EPS15: variants seen among roughly 807,000 people sequenced by gnomAD.
EPS15 encodes the protein epidermal growth factor receptor pathway substrate 15, also known as epidermal growth factor receptor substrate 15.
Under a neutral mutation model 113.8 loss-of-function variants are expected in EPS15, and 72 were observed. That is an observed-to-expected ratio of 0.63 (90% CI 0.52 to 0.77). The LOEUF (loss-of-function observed/expected upper bound fraction) is 0.77, where lower values mean the gene tolerates loss of function less well. Among genes scored for constraint, EPS15 ranks in the 30% least tolerant of loss-of-function variants. EPS15 has a pLI of 0.00. For synonymous variants in EPS15, 344 were observed against 363.4 expected, an observed-to-expected ratio of 0.95 and a Z score of 0.61; for missense variants, 1,048 against 1,045.8, an observed-to-expected ratio of 1.00 and a Z score of -0.03.
chr1:51,481,170 A>C, intron 2 of EPS15, 103 bp downstream of exon 2: 1 of 725,598 alleles, frequency 1.4e-6, no homozygotes, highest in East Asian at 2.6e-5. Flanking sequence ...AAAACAAGAC[A>C]CATCAAATTT....
intron 1 of EPS15, among the ~76,000 whole-genome samples, chr1:51,488,754 TA>T (rs1399927409): frequency 2.0e-5 from 3 of 152,166 alleles, no homozygotes; most frequent in Non-Finnish European, 4.4e-5. Flanking sequence ...CTTTCTTTAG[TA>T]ATAGTACCCC....
chr1:51,457,904 A>G (rs1654138557), intron 8 of EPS15: 1 of 152,174 alleles, frequency 6.6e-6, no homozygotes, highest in African/African-American at 2.4e-5. Context: ...ATAATAAGCA[A>G]CAGTAAGAAA....
chr1:51,461,232 G>T, intron 7 of EPS15, 82 bp from the exon 8 acceptor site: 1 of 1,026,038 alleles, frequency 9.7e-7, no homozygotes, highest in Non-Finnish European at 1.5e-6. Context: ...AAGTTTATGA[G>T]CTAGGAATGG....
chr1:51,434,318 G>A (rs144864707), intron 12 of EPS15, among the ~76,000 whole-genome samples: 23 of 152,294 alleles, frequency 1.5e-4, no homozygotes, highest in African/African-American at 4.6e-4. Context: ...AGATGAACAG[G>A]TAAACAAATG....
At chr1:51,476,134 T>C (rs1340047418) in intron 2 of EPS15, among the ~76,000 whole-genome samples, 1 of 152,210 alleles carries the variant, frequency 6.6e-6, no homozygotes, top group African/African-American at 2.4e-5. Context: ...AGCTTTGTTC[T>C]TTTTGCTTAG....
chr1:51,395,413 C>T (rs1380723001), intron 20 of EPS15, among the ~76,000 whole-genome samples: 2 of 152,052 alleles, frequency 1.3e-5, no homozygotes, highest in African/African-American at 4.8e-5. Flanking sequence ...TCTCAAATAT[C>T]CTAGTACTTA....
intron 8 of EPS15, among the ~76,000 whole-genome samples, chr1:51,452,851 T>C (rs1255094507): frequency 1.3e-5 from 2 of 152,188 alleles, no homozygotes; most frequent in Non-Finnish European, 2.9e-5. Flanking sequence ...CAGAATTACC[T>C]GGACAGCATG....
chr1:51,391,027 C>A (rs539179833), intron 21 of EPS15, among the ~76,000 whole-genome samples: 1 of 152,132 alleles, frequency 6.6e-6, no homozygotes, highest in Non-Finnish European at 1.5e-5. Flanking sequence ...ATATTTATTG[C>A]AGCACTATTC....
intron 3 of EPS15, 33 bp downstream of exon 3, chr1:51,472,826 A>T: frequency 1.3e-6 from 2 of 1,484,988 alleles, no homozygotes; most frequent in Non-Finnish European, 1.9e-6. Flanking sequence ...TTCCTTACAA[A>T]CTTATAATCT....
At chr1:51,508,274 A>AAGAG (rs1448766017) in intron 1 of EPS15, among the ~76,000 whole-genome samples, 1 of 121,262 alleles carries the variant, frequency 8.2e-6, no homozygotes, top group Non-Finnish European at 1.7e-5. Context: ...GAGAGAGAGA[A>AAGAG]AGAGAGAAAG....
At chr1:51,480,988 T>A (rs74688767) in intron 2 of EPS15, among the ~76,000 whole-genome samples, 4,822 of 152,358 alleles carry the variant, frequency 0.032, 124 homozygotes, top group Non-Finnish European at 0.05. Context: ...GTTATTTGTA[T>A]TTGTCTTAAG....
chr1:51,514,558 T>C (rs72674575), intron 1 of EPS15, among the ~76,000 whole-genome samples: 4,567 of 152,246 alleles, frequency 0.03, 74 homozygotes, highest in African/African-American at 0.05. Flanking sequence ...AAGTAAAATA[T>C]CTTAGATTAG....
intron 2 of EPS15, among the ~76,000 whole-genome samples, chr1:51,474,506 A>T (rs765367665): frequency 2.0e-5 from 3 of 152,182 alleles, no homozygotes; most frequent in African/African-American, 7.2e-5. Flanking sequence ...CTGAACAAGA[A>T]TTACACAGGA....
At chr1:51,386,113 C>T (rs72694166) in intron 21 of EPS15, among the ~76,000 whole-genome samples, 3,337 of 152,118 alleles carry the variant, frequency 0.022, 32 homozygotes, top group Middle Eastern at 0.034. Flanking sequence ...CACTAGACTC[C>T]CATTACATGT....
intron 13 of EPS15, among the ~76,000 whole-genome samples, chr1:51,419,406 A>C (rs1557450484): frequency 6.6e-6 from 1 of 151,208 alleles, no homozygotes; most frequent in Non-Finnish European, 1.5e-5. Context: ...ACACAAAACA[A>C]AAAAAAAATT....
In EPS15 at chr1:51,468,945, C is replaced by T. The variant is rs190544867; in HGVS notation, c.214-377G>A. On this transcript the variant is annotated intron_variant, in intron 4 of 24. Coordinates refer to ENST00000371733, the MANE Select transcript of EPS15 (RefSeq NM_001981.3). Reference sequence around the variant, plus strand: ...GAGTATGAGACCAACCTGGCCAACACGGAGAAACCCCGTCTCTCTACTAAA... The same window carrying T: ...GAGTATGAGACCAACCTGGCCAACATGGAGAAACCCCGTCTCTCTACTAAA... Among the ~76,000 whole-genome samples the T allele has an allele frequency of 1.2e-4, 18 of 152,002 alleles. No homozygotes were observed. The East Asian group carries it at 2.9e-3, about 25-fold the overall frequency.
At position 51,357,376 on chromosome 1, in the gene EPS15, G is replaced by GAAAAAAAAAAAAA. The variant is rs56655497; in HGVS notation, c.2545-543_2545-531dup. Among the ~76,000 whole-genome samples, 6 of 33,116 alleles carry GAAAAAAAAAAAAA rather than the reference G, an allele frequency of 1.8e-4. 1 individual carries two copies. Among genetic ancestry groups the GAAAAAAAAAAAAA allele is most frequent in the African/African-American group, 1.2e-3 (6 of 5,162 alleles). The allele number at this position is 33,116 out of a possible 152,430, so 21.7% of individuals were successfully genotyped here. On this transcript the variant is annotated intron_variant, in intron 24 of 24. Coordinates refer to ENST00000371733, the MANE Select transcript of EPS15 (RefSeq NM_001981.3). ...TGGGTGACAAAGTGAGATTCCATCTGAAAAAAAAAAAAAAAATATATATAT... is the reference window on the plus strand; with the variant it reads ...TGGGTGACAAAGTGAGATTCCATCTGAAAAAAAAAAAAAAAAAAAAAAAAAAAAATATATATAT...
At position 51,422,866 on chromosome 1, in the gene EPS15, C is replaced by G. The variant is rs1027608342; in HGVS notation, c.1041-1008G>C. 2.0e-5 allele frequency among the ~76,000 whole-genome samples: 3 copies of G among 152,232 alleles called. No homozygotes were observed. The East Asian group carries it at 5.8e-4, about 29-fold the overall frequency. ...ATGGAGAAGGGAAGACAGCATTTAACAAGTCCTCCAGATTAGTATAGCCAA... is the reference window on the plus strand; with the variant it reads ...ATGGAGAAGGGAAGACAGCATTTAAGAAGTCCTCCAGATTAGTATAGCCAA... On this transcript the variant is annotated intron_variant, in intron 12 of 24. Coordinates refer to ENST00000371733, the MANE Select transcript of EPS15 (RefSeq NM_001981.3).
chr1:51,519,058 T>A, intron 1 of EPS15, 141 bp downstream of exon 1: 1 of 470,774 alleles, frequency 2.1e-6, no homozygotes, highest in Non-Finnish European at 3.5e-6. Context: ...GCACCCGCTT[T>A]CCCTCACACA....
Sources: allele counts gnomAD v4.1 joint callset (sites outside exome capture counted in the v4.1 genomes callset), GRCh38; gene constraint gnomAD v4.1.1; transcripts MANE v1.5; gene names NCBI Gene and HGNC (gene_info 2026-07-23, HGNC 2026-07-21).